The following AGPAT4 variants were observed in gnomAD, a reference collection of about 807,000 sequenced individuals.
AGPAT4 encodes 1-acylglycerol-3-phosphate O-acyltransferase 4, also known as 1-acyl-sn-glycerol-3-phosphate acyltransferase delta.
A neutral mutation model predicts 48.0 loss-of-function variants in AGPAT4; 15 were observed. That is an observed-to-expected ratio of 0.31 (90% CI 0.21 to 0.48). AGPAT4 has a LOEUF of 0.48. Ranked by LOEUF, AGPAT4 falls within the 20% of genes least tolerant of loss-of-function variation. The pLI is 0.99. For synonymous variants in AGPAT4, 178 were observed against 198.7 expected, an observed-to-expected ratio of 0.90 and a Z score of 0.88; for missense variants, 314 against 482.5, an observed-to-expected ratio of 0.65 and a Z score of 3.27.
intron 2 of AGPAT4, among the ~76,000 whole-genome samples, chr6:161,194,479 CATGT>C (rs1188606587): frequency 6.9e-6 from 1 of 145,840 alleles, no homozygotes; most frequent in Non-Finnish European, 1.5e-5. Context: ...AGAATATGCG[CATGT>C]ATGTGTGTAT....
Position 161,220,770 on chromosome 6 carries a change from G to A in AGPAT4, c.178+11266C>T, listed in dbSNP as rs745429135. 6.6e-6 allele frequency among the ~76,000 whole-genome samples: 1 copy of A among 151,996 alleles called. No homozygotes were observed. The highest frequency in any genetic ancestry group is 1.5e-5 in the Non-Finnish European group (1 of 67,988). ...CAAAGCCATTCTGAAGACTCGGACA[G>A]CGTAGATATATTTTATTTTATTTTT... On this transcript the variant is annotated intron_variant, in intron 2 of 8. Transcript: ENST00000320285. The surrounding 1 kb of genome is among the most constrained non-coding windows in gnomAD (Gnocchi z 6.0).
rs141667199 is a variant in AGPAT4 at position 161,162,427 on chromosome 6, CAG to C, written c.348+3819_348+3820del. 3.6e-3 allele frequency among the ~76,000 whole-genome samples: 551 copies of C among 152,318 alleles called. 4 individuals are homozygous for C. Among genetic ancestry groups the C allele is most frequent in the African/African-American group, 0.012 (480 of 41,562 alleles). ...CTCTCTCTCTTGCATGGCTCAACCT[CAG>C]GGGTGCAGTTGCCATATTCCGGGAA... On this transcript the variant is annotated intron_variant, in intron 3 of 8. Transcript: ENST00000320285.
intron 2 of AGPAT4, among the ~76,000 whole-genome samples, chr6:161,203,861 G>A (rs192449046): frequency 1.3e-5 from 2 of 152,274 alleles, no homozygotes; most frequent in East Asian, 3.9e-4. Context: ...TAGAGTTTTT[G>A]TTGGTTGGTT....
chr6:161,269,849 G>A (rs1783373324), intron 1 of AGPAT4, among the ~76,000 whole-genome samples: 1 of 152,206 alleles, frequency 6.6e-6, no homozygotes, highest in Non-Finnish European at 1.5e-5. Flanking sequence ...GATGTATCAT[G>A]TATGTGTGAA....
At chr6:161,237,995 A>C (rs1222440062) in intron 1 of AGPAT4, among the ~76,000 whole-genome samples, 2 of 149,750 alleles carry the variant, frequency 1.3e-5, no homozygotes, top group Non-Finnish European at 3.0e-5. Flanking sequence ...CAGACAAGAG[A>C]AATTCTGAAA....
intron 2 of AGPAT4, among the ~76,000 whole-genome samples, chr6:161,192,645 A>C (rs1414634715): frequency 6.6e-6 from 1 of 152,000 alleles, no homozygotes; most frequent in Non-Finnish European, 1.5e-5. Context: ...AGGTCATCTG[A>C]GATCTTTTTC....
At chr6:161,162,641 C>T (rs993320741) in intron 3 of AGPAT4, among the ~76,000 whole-genome samples, 1 of 152,212 alleles carries the variant, frequency 6.6e-6, no homozygotes, top group East Asian at 1.9e-4. Context: ...TTGTTTTAAG[C>T]CGCTATGTTT....
chr6:161,144,539 C>T lies in AGPAT4; in HGVS notation c.843+1985G>A, dbSNP rs7759013. Among the ~76,000 whole-genome samples, 3,558 of 152,238 alleles carry T rather than the reference C, an allele frequency of 0.023. 131 individuals carry two copies. Among genetic ancestry groups the T allele is most frequent in the African/African-American group, 0.081 (3,383 of 41,532 alleles). On this transcript the variant is annotated intron_variant, in intron 7 of 8. Transcript: ENST00000320285. The surrounding 1 kb of genome is among the most constrained non-coding windows in gnomAD (Gnocchi z 6.6). ...ACGATGACCACACTCTGCCTGAATA[C>T]AGGGGAGGAAGGGCCCGTTGAGAAA...
At position 161,266,253 on chromosome 6, in the gene AGPAT4, C is replaced by T. The variant is rs545566048; in HGVS notation, c.-90+7685G>A. Among the ~76,000 whole-genome samples, 1 of 152,328 alleles carries T rather than the reference C, an allele frequency of 6.6e-6. No homozygotes were observed. The highest frequency in any genetic ancestry group is 1.9e-4 in the East Asian group (1 of 5,174). On this transcript the variant is annotated intron_variant, in intron 1 of 8. Transcript: ENST00000320285. This position sits in a 1 kb window ranked among gnomAD's most constrained non-coding sequence, Gnocchi z 6.2. ...TCAACATCGAGATTGAGAAACACCT[C>T]GCCCTCAAGGAATGTCACCCTTGAG...
rs962754669 is a variant in AGPAT4 at position 161,154,017 on chromosome 6, C to T, written c.510+132G>A. The T allele has an allele frequency of 7.6e-5, 93 of 1,218,360 alleles. No individual in the cohort carries two copies. The highest frequency in any genetic ancestry group is 1.1e-4 in the Non-Finnish European group (91 of 851,070). 75.5% of individuals were successfully genotyped at this position (1,218,360 alleles called of 1,614,324 possible). On this transcript the variant is annotated intron_variant, in intron 4 of 8. Coordinates refer to ENST00000320285, the MANE Select transcript of AGPAT4 (RefSeq NM_020133.3). The surrounding 1 kb of genome is among the most constrained non-coding windows in gnomAD (Gnocchi z 7.8). ...CATACATCCCTGAGGTTATACACAG[C>T]CCTATGGTCACACACAGCCCTGGAG...
rs1167097022 is a variant in AGPAT4, at chr6:161,158,030, T to C, written c.349-3720A>G. Reference sequence around the variant, plus strand: ...TCTGACATGGGCGTTCAATAACTTGTAGCTATTATTTTCATCCCAGAGCAA... The same window carrying C: ...TCTGACATGGGCGTTCAATAACTTGCAGCTATTATTTTCATCCCAGAGCAA... On this transcript the variant is annotated intron_variant, in intron 3 of 8. Coordinates refer to ENST00000320285, the MANE Select transcript of AGPAT4 (RefSeq NM_020133.3). The surrounding 1 kb of genome is among the most constrained non-coding windows in gnomAD (Gnocchi z 5.3). Among the ~76,000 whole-genome samples, 1 of 152,236 alleles carries C rather than the reference T, an allele frequency of 6.6e-6. No homozygotes were observed. Among genetic ancestry groups the C allele is most frequent in the Non-Finnish European group, 1.5e-5 (1 of 68,044 alleles).
Position 161,136,465 on chromosome 6 carries a change from C to T in AGPAT4, c.*75G>A, listed in dbSNP as rs1045814560. 11 of 1,368,816 alleles carry T rather than the reference C, an allele frequency of 8.0e-6. No homozygotes were observed. Among genetic ancestry groups the T allele is most frequent in the African/African-American group, 4.3e-5 (3 of 70,262 alleles). The allele number at this position is 1,368,816 out of a possible 1,614,324, so 84.8% of individuals were successfully genotyped here. A position where few individuals can be genotyped will look rare whatever the true frequency, so the allele number is the denominator to read the frequency against. ...CAGGGGCTCACCCAGCCTTTGTCACCGTGTCCCACTAAGGAGGATATGCAG... is the reference window on the plus strand; with the variant it reads ...CAGGGGCTCACCCAGCCTTTGTCACTGTGTCCCACTAAGGAGGATATGCAG... On this transcript the variant is annotated 3_prime_UTR_variant, in exon 9 of 9. Transcript: ENST00000320285.
intron 2 of AGPAT4, among the ~76,000 whole-genome samples, chr6:161,199,552 G>A (rs560170431): frequency 1.3e-3 from 196 of 152,284 alleles, no homozygotes; most frequent in Non-Finnish European, 2.5e-3. Flanking sequence ...ATGGCCCTGG[G>A]CATGTGATAC....
intron 2 of AGPAT4, among the ~76,000 whole-genome samples, chr6:161,210,326 T>A (rs1159098449): frequency 2.6e-5 from 4 of 152,196 alleles, no homozygotes; most frequent in African/African-American, 9.6e-5. Flanking sequence ...TCCTTTAATA[T>A]GCAAATTTAA....
In AGPAT4 at chr6:161,147,163, G is replaced by A. The variant is rs1463376344; in HGVS notation, c.768-564C>T. ...ATGGTGGGGAATTAAAGTTCTCCCA[G>A]ATGGAAGTAGCCAGGGCATCTTCCC... On this transcript the variant is annotated intron_variant, in intron 6 of 8. Transcript: ENST00000320285. The surrounding 1 kb of genome is among the most constrained non-coding windows in gnomAD (Gnocchi z 4.8). Among the ~76,000 whole-genome samples the A allele has an allele frequency of 3.3e-5, 5 of 152,184 alleles. No individual in the cohort carries two copies. The East Asian group carries it at 7.7e-4, about 23-fold the overall frequency.
chr6:161,137,364 T>A lies in AGPAT4; in HGVS notation c.1043-730A>T, dbSNP rs1779099116. 6.6e-6 allele frequency among the ~76,000 whole-genome samples: 1 copy of A among 152,206 alleles called. No individual in the cohort carries two copies. Among genetic ancestry groups the A allele is most frequent in the Admixed American group, 6.5e-5 (1 of 15,284 alleles). On this transcript the variant is annotated intron_variant, in intron 8 of 8. Coordinates refer to ENST00000320285, the MANE Select transcript of AGPAT4 (RefSeq NM_020133.3). This position sits in a 1 kb window ranked among gnomAD's most constrained non-coding sequence, Gnocchi z 6.1. ...AAAACAGTCCATTTATAATACATGC[T>A]TAAGAATGGATAGACGAATAAGTGA...
intron 2 of AGPAT4, among the ~76,000 whole-genome samples, chr6:161,187,132 C>T (rs1193892716): frequency 2.0e-5 from 3 of 152,226 alleles, no homozygotes; most frequent in Non-Finnish European, 4.4e-5. Context: ...CTGCTGTGAA[C>T]ATCTAAGAAG....
rs994970856 is a variant in AGPAT4 at position 161,171,037 on chromosome 6, A to T, written c.179-4620T>A. 2.6e-5 allele frequency among the ~76,000 whole-genome samples: 4 copies of T among 152,184 alleles called. No individual in the cohort carries two copies. The highest frequency in any genetic ancestry group is 6.5e-5 in the Admixed American group (1 of 15,276). On this transcript the variant is annotated intron_variant, in intron 2 of 8. Transcript: ENST00000320285. The surrounding 1 kb of genome is among the most constrained non-coding windows in gnomAD (Gnocchi z 4.4). ...TTAGAACCTCCAATTTAACTCAGAA[A>T]GTTACCAGTGGGCACCTGAGCAATC...
rs532748794 is a variant in AGPAT4, at chr6:161,221,441, A to C, written c.178+10595T>G. 3.9e-5 allele frequency among the ~76,000 whole-genome samples: 6 copies of C among 152,324 alleles called. No individual in the cohort carries two copies. The highest frequency in any genetic ancestry group is 3.9e-4 in the Admixed American group (6 of 15,302). On this transcript the variant is annotated intron_variant, in intron 2 of 8. Transcript: ENST00000320285. The surrounding 1 kb of genome is among the most constrained non-coding windows in gnomAD (Gnocchi z 4.5). ...ATAATCTCTCATTTCCTATCTTATC[A>C]ATAAAATAAAGGTAGGGGTGGGAGA... is the stretch of plus-strand genomic sequence containing the variant.
Sources: allele counts gnomAD v4.1 joint callset (sites outside exome capture counted in the v4.1 genomes callset), GRCh38; gene constraint gnomAD v4.1.1; non-coding constraint Gnocchi (gnomAD v3.1); transcripts MANE v1.5; gene names NCBI Gene and HGNC (gene_info 2026-07-23, HGNC 2026-07-21).